SACS: variants seen among roughly 807,000 people sequenced by gnomAD.
SACS encodes the protein sacsin.
A neutral mutation model predicts 348.0 loss-of-function variants in SACS; 197 were observed. That is an observed-to-expected ratio of 0.57 (90% CI 0.50 to 0.64). The LOEUF is 0.64. Ranked by LOEUF, SACS falls within the 30% of genes least tolerant of loss-of-function variation. The probability of loss-of-function intolerance (pLI) is 0.00; values close to 1 mark genes in which losing one functional copy is unlikely to be tolerated. For missense variants in SACS, 4,999 were observed against 5,360.8 expected (o/e 0.93, Z 2.11); for synonymous variants, 1,985 against 1,910.6 (o/e 1.04, Z -1.02).
At position 23,330,711 on chromosome 13, in the gene SACS, A is replaced by C. The variant is rs2137551379; in HGVS notation, c.13165T>G (p.Ser4389Ala). 2 of 1,613,990 alleles carry C rather than the reference A, an allele frequency of 1.2e-6. No homozygotes were observed. Among genetic ancestry groups the C allele is most frequent in the Middle Eastern group, 1.6e-4 (1 of 6,062 alleles). Reference protein sequence around the residue: ...TFSTSASRFQSDKYSFQRFYT... With the variant: ...TFSTSASRFQADKYSFQRFYT... ...AATCTCTGAAATGAGTATTTGTCTGACTGAAATCGGGATGCTGAGGTTGAA... is the reference window on the plus strand; with the variant it reads ...AATCTCTGAAATGAGTATTTGTCTGCCTGAAATCGGGATGCTGAGGTTGAA... Residue 4389 changes from serine to alanine, a missense_variant, in exon 10 of 10, where the codon TCA becomes GCA. By Grantham distance (99) the Ser-to-Ala change is moderately conservative. Transcript: ENST00000382292.
At chr13:23,366,961 C>T (rs971526000) in intron 5 of SACS, among the ~76,000 whole-genome samples, 6 of 152,110 alleles carry the variant, frequency 3.9e-5, no homozygotes, top group Admixed American at 2.0e-4. Flanking sequence ...ATCCAAGGAA[C>T]AAAGATTACA....
chr13:23,381,355 GCACA>G (rs71100174), intron 2 of SACS, among the ~76,000 whole-genome samples: 24,742 of 139,832 alleles, frequency 0.18, 2,581 homozygotes, highest in East Asian at 0.38. Flanking sequence ...GCAGCACGAA[GCACA>G]CACACACACA....
At position 23,375,102 on chromosome 13, in the gene SACS, C is replaced by T. The variant is rs1301346432; in HGVS notation, c.171+17G>A. ...CGCGTGGCGGAGCCCAGCCCAGCGC[C>T]CCCGGCCACCGCCTACCTCGCGGCC... On this transcript the variant is annotated intron_variant, in intron 3 of 9. Transcript: ENST00000382292. 1.3e-6 allele frequency: 2 copies of T among 1,488,710 alleles called. No homozygotes were observed. Among genetic ancestry groups the T allele is most frequent in the African/African-American group, 1.5e-5 (1 of 68,148 alleles). 92.2% of individuals were successfully genotyped at this position (1,488,710 alleles called of 1,614,324 possible).
At chr13:23,420,290 T>C (rs937298554) in intron 1 of SACS, among the ~76,000 whole-genome samples, 2 of 152,148 alleles carry the variant, frequency 1.3e-5, no homozygotes, top group Non-Finnish European at 2.9e-5. Flanking sequence ...AGATGGGGTC[T>C]GACAGTCAAC....
chr13:23,358,034 T>G (rs958107303), intron 7 of SACS, among the ~76,000 whole-genome samples: 1 of 152,208 alleles, frequency 6.6e-6, no homozygotes, highest in Non-Finnish European at 1.5e-5. Context: ...GAGTAAAAAT[T>G]TTGTGTTCAA....
At chr13:23,413,453 AG>A (rs1234070857) in intron 1 of SACS, among the ~76,000 whole-genome samples, 2 of 152,242 alleles carry the variant, frequency 1.3e-5, no homozygotes, top group African/African-American at 2.4e-5. Context: ...CTTGATGCAC[AG>A]GAAGGTCAGT....
rs754628665 is a variant in SACS, at chr13:23,334,786, T to C, written c.9090A>G (p.Leu3030=). Residue 3030 remains leucine, a synonymous_variant, in exon 10 of 10, where the codon TTA becomes TTG. Coordinates refer to ENST00000382292, the MANE Select transcript of SACS (RefSeq NM_014363.6). ...TAAGGTGTTGTAATTCATCCTGTAG[T>C]AAATTGTCAAAAAATGGTCTAGTTT... The part of the protein sequence containing the change: ...SNKTRPFFDN[L]LQDELQHLKN... 23 of 1,613,770 alleles carry C rather than the reference T, an allele frequency of 1.4e-5. No individual in the cohort carries two copies. Among genetic ancestry groups the C allele is most frequent in the South Asian group, 1.2e-4 (11 of 91,064 alleles).
At chr13:23,343,004 AT>A (rs1869365968) in intron 9 of SACS, among the ~76,000 whole-genome samples, 1 of 152,202 alleles carries the variant, frequency 6.6e-6, no homozygotes, top group African/African-American at 2.4e-5. Context: ...GCTACTTATT[AT>A]TAAAGTGTGC....
Position 23,329,903 on chromosome 13 carries a change from CA to C in SACS, c.*232del. The stretch of plus-strand genomic sequence containing the variant: ...TCAATGATGTATCATCCCAATCATT[CA>C]AATCCATCCAGCTATTTTGCAGCTC... On this transcript the variant is annotated 3_prime_UTR_variant, in exon 10 of 10. Coordinates refer to ENST00000382292, the MANE Select transcript of SACS (RefSeq NM_014363.6). 3.6e-6 allele frequency: 2 copies of C among 560,386 alleles called. No homozygotes were observed. Among genetic ancestry groups the C allele is most frequent in the East Asian group, 6.2e-5 (2 of 32,030 alleles). 34.7% of individuals were successfully genotyped at this position (560,386 alleles called of 1,614,324 possible).
intron 9 of SACS, among the ~76,000 whole-genome samples, chr13:23,346,137 T>C (rs115634821): frequency 0.018 from 2,694 of 152,130 alleles, 76 homozygotes; most frequent in African/African-American, 0.062. Context: ...TCTGTTCTTT[T>C]TGTTTGTTTT....
At chr13:23,392,443 T>A (rs1277475769) in intron 2 of SACS, among the ~76,000 whole-genome samples, 1 of 152,134 alleles carries the variant, frequency 6.6e-6, no homozygotes, top group Non-Finnish European at 1.5e-5. Flanking sequence ...CACTTTGGGG[T>A]GTGAGAGTCA....
In SACS at chr13:23,329,556, C is replaced by T; in HGVS notation, c.*580G>A. The T allele has an allele frequency of 1.5e-6, 1 of 647,226 alleles. No homozygotes were observed. Among genetic ancestry groups the T allele is most frequent in the South Asian group, 1.9e-5 (1 of 53,396 alleles). The allele number at this position is 647,226 out of a possible 1,614,324, so 40.1% of individuals were successfully genotyped here. On this transcript the variant is annotated 3_prime_UTR_variant, in exon 10 of 10. Transcript: ENST00000382292. Reference sequence around the variant, plus strand: ...TGCACTCAGTGCACTCTAAAAAGTACTACCTTCACACTCTTAGTCAAGTAA... The same window carrying T: ...TGCACTCAGTGCACTCTAAAAAGTATTACCTTCACACTCTTAGTCAAGTAA...
intron 2 of SACS, among the ~76,000 whole-genome samples, chr13:23,389,364 T>C (rs1170799139): frequency 6.6e-6 from 1 of 152,184 alleles, no homozygotes; most frequent in Non-Finnish European, 1.5e-5. Flanking sequence ...ACTGAATGTC[T>C]ACTAATCAGC....
chr13:23,355,098 T>C lies in SACS; in HGVS notation c.1514A>G (p.Tyr505Cys). The change falls in exon 8 of 10, where the codon TAT (tyrosine) becomes TGT (cysteine). Residue 505 changes from tyrosine to cysteine, a missense_variant. This residue lies in a region of SACS where 3,156 missense variants were observed against 3,380.1 expected (regional missense o/e 0.93). Transcript: ENST00000382292. ...TATTGAATCTAAGATCAGAGTAGCATAAGCTTTGGGGACAACATTCATGAC... is the reference window on the plus strand; with the variant it reads ...TATTGAATCTAAGATCAGAGTAGCACAAGCTTTGGGGACAACATTCATGAC... ...FLVMNVVPKA[Y>C]ATLILDSIKR... 1 of 1,614,194 alleles carries C rather than the reference T, an allele frequency of 6.2e-7. No homozygotes were observed.
intron 2 of SACS, among the ~76,000 whole-genome samples, chr13:23,387,717 T>G (rs1872354059): frequency 6.6e-6 from 1 of 152,166 alleles, no homozygotes; most frequent in African/African-American, 2.4e-5. Context: ...ATCAGGAGTT[T>G]ACCCAATGGA....
intron 1 of SACS, among the ~76,000 whole-genome samples, chr13:23,433,344 C>G (rs1460274100): frequency 6.6e-6 from 1 of 152,186 alleles, no homozygotes; most frequent in Non-Finnish European, 1.5e-5. Context: ...CCCACAAATT[C>G]ACAAGCAGCC....
chr13:23,369,212 A>G (rs1441808604), intron 4 of SACS, among the ~76,000 whole-genome samples: 1 of 152,152 alleles, frequency 6.6e-6, no homozygotes, highest in Non-Finnish European at 1.5e-5. Context: ...ATATTCTCAA[A>G]TTCAACCAGT....
intron 2 of SACS, among the ~76,000 whole-genome samples, chr13:23,409,459 C>T (rs529500140): frequency 2.8e-4 from 42 of 149,556 alleles, no homozygotes; most frequent in African/African-American, 9.6e-4. Context: ...TGGGTTCAAG[C>T]GATTCTACTG....
chr13:23,391,464 A>G (rs2137897571), intron 2 of SACS, among the ~76,000 whole-genome samples: 1 of 152,258 alleles, frequency 6.6e-6, no homozygotes, highest in East Asian at 1.9e-4. Flanking sequence ...TAAGGAAGAG[A>G]GTACGGTCAG....
Sources: allele counts gnomAD v4.1 joint callset (sites outside exome capture counted in the v4.1 genomes callset), GRCh38; gene constraint gnomAD v4.1.1; regional missense constraint gnomAD v4.1.1; transcripts MANE v1.5; gene names NCBI Gene and HGNC (gene_info 2026-07-23, HGNC 2026-07-21).